Variants in ZNF337 observed in about 807,000 individuals in gnomAD.
ZNF337 encodes zinc finger protein 337.
A neutral mutation model predicts 12.1 loss-of-function variants in ZNF337; 8 were observed. The ratio of observed to expected loss-of-function variants is 0.66; its 90% CI spans 0.39 to 1.19. ZNF337 has a LOEUF of 1.19. Ranked by LOEUF, ZNF337 falls within the 50% of genes most tolerant of loss-of-function variation. ZNF337 has a pLI of 0.01. For missense variants in ZNF337, 882 were observed against 896.6 expected (o/e 0.98, Z 0.21); for synonymous variants, 336 against 320.0 (o/e 1.05, Z -0.53).
intron 1 of ZNF337, 129 bp downstream of exon 1, chr20:25,696,630 G>A (rs1484495395): frequency 1.6e-6 from 1 of 617,246 alleles, no homozygotes. Flanking sequence ...CCCAGAACGC[G>A]GAGACGCCGG....
intron 1 of ZNF337, chr20:25,686,792 T>G: frequency 5.3e-6 from 1 of 189,572 alleles, no homozygotes. Context: ...CTGGACAGAA[T>G]ACACAAGAGC....
At chr20:25,685,506 G>A (rs1039709652) in intron 4 of ZNF337, 61 bp downstream of exon 4, 2 of 1,436,126 alleles carry the variant, frequency 1.4e-6, no homozygotes, top group African/African-American at 1.4e-5. Context: ...CCTCAGAGAA[G>A]CCTCCTCCCT....
chr20:25,681,618 T>C (rs374975791), intron 4 of ZNF337, among the ~76,000 whole-genome samples: 22 of 152,302 alleles, frequency 1.4e-4, no homozygotes, highest in African/African-American at 4.8e-4. Context: ...AAAATCCGAA[T>C]AGTGATTTTC....
intron 4 of ZNF337, among the ~76,000 whole-genome samples, chr20:25,682,677 C>CA (rs1228731720): frequency 2.0e-5 from 3 of 151,460 alleles, no homozygotes; most frequent in Non-Finnish European, 4.4e-5. Flanking sequence ...ACTAAAAATA[C>CA]AAAAAAAATT....
At chr20:25,688,508 G>C (rs140048304) in intron 1 of ZNF337, among the ~76,000 whole-genome samples, 4 of 152,248 alleles carry the variant, frequency 2.6e-5, no homozygotes, top group Admixed American at 6.5e-5. Context: ...CCTGATCTTA[G>C]TGTGAACACA....
At chr20:25,687,405 C>T (rs1279074386) in intron 1 of ZNF337, among the ~76,000 whole-genome samples, 1 of 152,006 alleles carries the variant, frequency 6.6e-6, no homozygotes, top group Non-Finnish European at 1.5e-5. Context: ...TTAGAGTATT[C>T]ACTATACTTT....
At chr20:25,689,806 A>G (rs566666550) in intron 1 of ZNF337, among the ~76,000 whole-genome samples, 43 of 152,320 alleles carry the variant, frequency 2.8e-4, no homozygotes, top group African/African-American at 9.6e-4. Context: ...CCATCTCCCA[A>G]TTTTGCTACC....
chr20:25,683,358 G>C (rs1266218697), intron 4 of ZNF337, among the ~76,000 whole-genome samples: 1 of 152,058 alleles, frequency 6.6e-6, no homozygotes, highest in East Asian at 1.9e-4. Context: ...GTACATCTGG[G>C]GGAAATGGGG....
At position 25,675,333 on chromosome 20, in the gene ZNF337, C is replaced by T. The variant is rs2065666775; in HGVS notation, c.1955G>A (p.Gly652Glu). 1.2e-6 allele frequency: 2 copies of T among 1,614,192 alleles called. No individual in the cohort carries two copies. Among genetic ancestry groups the T allele is most frequent in the Non-Finnish European group, 1.7e-6 (2 of 1,180,024 alleles). The change falls in exon 5 of 5, where the codon GGG becomes GAG. Residue 652 changes from glycine (G) to glutamate (E), a missense_variant. Physicochemically the swap from Gly to Glu is moderately conservative, Grantham distance 98. Coordinates refer to ENST00000252979, the MANE Select transcript of ZNF337 (RefSeq NM_015655.4). Reference protein sequence around the residue: ...NLLTHQRTHSGEKPFVCNVCG... With the variant: ...NLLTHQRTHSEEKPFVCNVCG... Reference sequence around the variant, plus strand: ...CACATTACACACGAAGGGCTTCTCCCCTGAGTGTGTCCTCTGGTGTGTGAG... The same window carrying T: ...CACATTACACACGAAGGGCTTCTCCTCTGAGTGTGTCCTCTGGTGTGTGAG...
At chr20:25,685,537 G>C in intron 4 of ZNF337, 30 bp downstream of exon 4, 1 of 1,586,724 alleles carries the variant, frequency 6.3e-7, no homozygotes. Flanking sequence ...GGAGTGCCTT[G>C]TGCTCTGTCT....
Position 25,679,699 on chromosome 20 carries a change from C to T in ZNF337, c.251-2662G>A, listed in dbSNP as rs145042326. Among the ~76,000 whole-genome samples, 54 of 152,090 alleles carry T rather than the reference C, an allele frequency of 3.6e-4. No homozygotes were observed. In the East Asian group the frequency reaches 0.01, roughly 29 times the overall value. On this transcript the variant is annotated intron_variant, in intron 4 of 4. Coordinates refer to ENST00000252979, the MANE Select transcript of ZNF337 (RefSeq NM_015655.4). ...ATGCAGAAAAAAGGCAATAATTATACACTCTTGGTGTATAATTAGTACAGC... is the reference window on the plus strand; with the variant it reads ...ATGCAGAAAAAAGGCAATAATTATATACTCTTGGTGTATAATTAGTACAGC...
intron 4 of ZNF337, among the ~76,000 whole-genome samples, chr20:25,684,752 A>G (rs1344648377): frequency 6.6e-6 from 1 of 152,226 alleles, no homozygotes; most frequent in Non-Finnish European, 1.5e-5. Flanking sequence ...TAGACTGGAT[A>G]AAGAAAATGT....
rs1038993713 is a variant in ZNF337, at chr20:25,674,151, T to C, written c.*881A>G. On this transcript the variant is annotated 3_prime_UTR_variant, in exon 5 of 5. Transcript: ENST00000252979. ...ATTTCCAGATATGACTGTGAGAGAA[T>C]GATGAGGGGAGCAGTTACTTAGTCT... 1 of 152,200 alleles carries C rather than the reference T, an allele frequency of 6.6e-6. No homozygotes were observed. Among genetic ancestry groups the C allele is most frequent in the Non-Finnish European group, 1.5e-5 (1 of 68,050 alleles). 9.4% of individuals were successfully genotyped at this position (152,200 alleles called of 1,614,324 possible). A position where few individuals can be genotyped will look rare whatever the true frequency, so the allele number is the denominator to read the frequency against.
chr20:25,684,710 G>A (rs183692909), intron 4 of ZNF337, among the ~76,000 whole-genome samples: 147 of 152,270 alleles, frequency 9.7e-4, no homozygotes, highest in Non-Finnish European at 1.7e-3. Context: ...CAATAGCAAA[G>A]TCTTGGAACC....
chr20:25,685,800 G>T, intron 3 of ZNF337, 138 bp from the exon 4 acceptor site: 1 of 1,148,328 alleles, frequency 8.7e-7, no homozygotes, highest in Non-Finnish European at 1.3e-6. Flanking sequence ...CATGCTCAGA[G>T]TACAAACCCC....
intron 4 of ZNF337, chr20:25,680,768 T>C (rs1486903052): frequency 6.6e-6 from 1 of 152,248 alleles, no homozygotes; most frequent in African/African-American, 2.4e-5. Context: ...TTTGGCACTA[T>C]CCACATACAT....
rs1384183787 is a variant in ZNF337 at position 25,676,563 on chromosome 20, C to T, written c.725G>A (p.Gly242Glu). The T allele has an allele frequency of 1.2e-6, 2 of 1,614,140 alleles. No homozygotes were observed. The highest frequency in any genetic ancestry group is 1.1e-5 in the South Asian group (1 of 91,078). The change falls in exon 5 of 5, where the codon GGG becomes GAG. Residue 242 changes from glycine to glutamate, a missense_variant. Physicochemically the swap from Gly to Glu is moderately conservative, Grantham distance 98. Transcript: ENST00000252979. ...GTTGGCCTTGAGGCTGAAGCCTCGC[C>T]CACACACACTGCACACATAGGACTT... ...GEKSYVCSVCGRGFSLKANLL... is the reference protein window; with the variant it reads ...GEKSYVCSVCERGFSLKANLL...
chr20:25,678,011 T>C (rs1207839252), intron 4 of ZNF337: 1 of 143,970 alleles, frequency 6.9e-6, no homozygotes, highest in Non-Finnish European at 1.5e-5. Flanking sequence ...TCACCACTCT[T>C]ATTACCATAG....
intron 4 of ZNF337, among the ~76,000 whole-genome samples, chr20:25,683,594 A>G (rs551250995): frequency 3.3e-5 from 5 of 152,298 alleles, no homozygotes; most frequent in South Asian, 4.1e-4. Context: ...GCAGCCAACA[A>G]ACTTAGAAAA....
Sources: allele counts gnomAD v4.1 joint callset (sites outside exome capture counted in the v4.1 genomes callset), GRCh38; gene constraint gnomAD v4.1.1; transcripts MANE v1.5; gene names NCBI Gene and HGNC (gene_info 2026-07-23, HGNC 2026-07-21).